MGRN1: variants seen among roughly 807,000 people sequenced by gnomAD.
The protein encoded by MGRN1 is E3 ubiquitin-protein ligase MGRN1.
In MGRN1, 29 loss-of-function variants were observed where a neutral mutation model predicts 69.2. The observed-to-expected ratio is 0.42, with a 90% CI of 0.31 to 0.57. MGRN1 has a LOEUF of 0.57. Ranked by LOEUF, MGRN1 falls within the 20% of genes least tolerant of loss-of-function variation. The pLI, the probability that MGRN1 is intolerant of heterozygous loss-of-function variation, is 0.15. For missense variants in MGRN1, 998 were observed against 796.2 expected (o/e 1.25, Z -3.05); for synonymous variants, 470 against 344.2 (o/e 1.37, Z -4.04).
At chr16:4,629,817 G>T (rs1465618294) in intron 1 of MGRN1, among the ~76,000 whole-genome samples, 7 of 151,824 alleles carry the variant, frequency 4.6e-5, no homozygotes, top group Admixed American at 4.6e-4. Context: ...AGGCTGAGGT[G>T]GGCGGATCAC....
At chr16:4,628,385 C>CAAA (rs35474754) in intron 1 of MGRN1, among the ~76,000 whole-genome samples, 1 of 94,050 alleles carries the variant, frequency 1.1e-5, no homozygotes, top group African/African-American at 3.7e-5. Context: ...ACTCTGTCTC[C>CAAA]AAAAAAAAAA....
In MGRN1 at chr16:4,681,903, A is replaced by G; in HGVS notation, c.1358+127A>G. ...GGCGATTCCCCAGAAGGACTCGGAG[A>G]CCCCGTATCAGGTTAGACTCATGGG... On this transcript the variant is annotated intron_variant, in intron 13 of 16. Coordinates refer to ENST00000262370, the MANE Select transcript of MGRN1 (RefSeq NM_015246.4). The G allele has an allele frequency of 3.1e-6, 3 of 959,338 alleles. No homozygotes were observed. In the African/African-American group the frequency reaches 4.9e-5, roughly 16 times the overall value. The allele number at this position is 959,338 out of a possible 1,614,324, so 59.4% of individuals were successfully genotyped here.
At chr16:4,650,243 C>T in intron 1 of MGRN1, 122 bp from the exon 2 acceptor site, 2 of 686,650 alleles carry the variant, frequency 2.9e-6, no homozygotes, top group Non-Finnish European at 2.4e-6. Flanking sequence ...GCGGAGCTTG[C>T]AGTGAGCTGA....
rs953668466 is a variant in MGRN1, at chr16:4,689,086, C to T, written c.*178C>T. On this transcript the variant is annotated 3_prime_UTR_variant, in exon 17 of 17. Coordinates refer to ENST00000262370, the MANE Select transcript of MGRN1 (RefSeq NM_015246.4). ...AGTGAACTGTCCCTTCTGAGTCTCC[C>T]TTTTCTACAGTTGATATATTTGTAA... The T allele has an allele frequency of 2.5e-6, 2 of 798,040 alleles. No individual in the cohort carries two copies. The highest frequency in any genetic ancestry group is 1.7e-5 in the African/African-American group (1 of 57,630). The allele number at this position is 798,040 out of a possible 1,614,324, so 49.4% of individuals were successfully genotyped here.
chr16:4,641,539 C>T (rs947034931), intron 1 of MGRN1, among the ~76,000 whole-genome samples: 8 of 138,080 alleles, frequency 5.8e-5, no homozygotes, highest in African/African-American at 2.2e-4. Context: ...TTTTTTAAGA[C>T]AGCGTTTTGC....
At chr16:4,683,618 A>G (rs530436117) in intron 15 of MGRN1, among the ~76,000 whole-genome samples, 134 of 151,648 alleles carry the variant, frequency 8.8e-4, no homozygotes, top group African/African-American at 3.0e-3. Context: ...GGGAAAAAAA[A>G]GCCCCATGCT....
intron 1 of MGRN1, among the ~76,000 whole-genome samples, chr16:4,635,978 T>A (rs1318386358): frequency 6.6e-6 from 1 of 150,992 alleles, no homozygotes. Flanking sequence ...GTTTTTTTTT[T>A]TTAAGTAGAG....
chr16:4,684,316 C>G, intron 16 of MGRN1, among the ~76,000 whole-genome samples: 1 of 152,250 alleles, frequency 6.6e-6, no homozygotes, highest in East Asian at 1.9e-4. Flanking sequence ...ACATGTTCCC[C>G]CACTCCTGGT....
chr16:4,673,776 A>G, intron 10 of MGRN1, 119 bp downstream of exon 10: 2 of 1,296,532 alleles, frequency 1.5e-6, no homozygotes, highest in East Asian at 2.5e-5. Flanking sequence ...AAGAGTTGTC[A>G]TTCATCTAGT....
chr16:4,647,430 AG>A (rs2078297333), intron 1 of MGRN1, among the ~76,000 whole-genome samples: 1 of 152,216 alleles, frequency 6.6e-6, no homozygotes, highest in Non-Finnish European at 1.5e-5. Flanking sequence ...TAATCAGGGA[AG>A]GCATCCTGGG....
Position 4,683,912 on chromosome 16 carries a change from C to T in MGRN1, c.1598C>T (p.Pro533Leu), listed in dbSNP as rs765725146. The stretch of plus-strand genomic sequence containing the variant: ...CCCGAGCACTGTGGCCGAGGCCCAC[C>T]TGCTGACATCTACCTGCCAGGTAAG... ...SSPEHCGRGP[P>L]ADIYLPGRPT... The change falls in exon 16 of 17, where the codon CCT becomes CTT. Residue 533 changes from proline (P) to leucine (L), a missense_variant. By Grantham distance (98) the Pro-to-Leu change is moderately conservative. Coordinates refer to ENST00000262370, the MANE Select transcript of MGRN1 (RefSeq NM_015246.4). 2.7e-5 allele frequency: 43 copies of T among 1,604,330 alleles called. 1 individual carries two copies. Among genetic ancestry groups the T allele is most frequent in the Non-Finnish European group, 2.7e-5 (32 of 1,174,950 alleles).
chr16:4,667,385 C>G (rs1052755408), intron 7 of MGRN1, among the ~76,000 whole-genome samples: 1 of 152,206 alleles, frequency 6.6e-6, no homozygotes, highest in Non-Finnish European at 1.5e-5. Flanking sequence ...CACAAGTGCC[C>G]TGGGCAGAGG....
At chr16:4,681,216 C>G (rs760724963) in intron 12 of MGRN1, 9 of 338,180 alleles carry the variant, frequency 2.7e-5, no homozygotes, top group Admixed American at 9.8e-5. Context: ...CAGCTCCTGT[C>G]TGTCACTAAC....
chr16:4,671,172 G>T (rs2078928657), intron 8 of MGRN1: 1 of 584,614 alleles, frequency 1.7e-6, no homozygotes, highest in African/African-American at 1.9e-5. Context: ...CCCAGTAGTG[G>T]GGAGAGCCAC....
At chr16:4,680,238 C>T (rs748783677) in intron 12 of MGRN1, 141 bp downstream of exon 12, 5 of 815,962 alleles carry the variant, frequency 6.1e-6, no homozygotes, top group Non-Finnish European at 9.6e-6. Flanking sequence ...GTCCCGGCCT[C>T]CCTGCCCAGG....
intron 1 of MGRN1, among the ~76,000 whole-genome samples, chr16:4,642,841 C>T (rs1444715418): frequency 6.6e-6 from 1 of 151,296 alleles, no homozygotes; most frequent in Non-Finnish European, 1.5e-5. Context: ...GGCTATAATG[C>T]AGTGGCTTGA....
intron 15 of MGRN1, among the ~76,000 whole-genome samples, chr16:4,683,631 G>A (rs1284485676): frequency 6.6e-6 from 1 of 152,222 alleles, no homozygotes; most frequent in African/African-American, 2.4e-5. Context: ...CCCATGCTGG[G>A]GGATGGGAAG....
intron 11 of MGRN1, among the ~76,000 whole-genome samples, chr16:4,678,931 A>T (rs555881602): frequency 1.5e-3 from 233 of 152,370 alleles, no homozygotes; most frequent in African/African-American, 5.2e-3. Flanking sequence ...ATGTTTCTGA[A>T]ATGGGGTCAA....
At chr16:4,673,468 C>T (rs760282330) in intron 9 of MGRN1, 30 bp from the exon 10 acceptor site, 3 of 1,605,232 alleles carry the variant, frequency 1.9e-6, no homozygotes, top group Admixed American at 1.7e-5. Context: ...CTTTGGGAGG[C>T]TGCTGACCCA....
Sources: allele counts gnomAD v4.1 joint callset (sites outside exome capture counted in the v4.1 genomes callset), GRCh38; gene constraint gnomAD v4.1.1; transcripts MANE v1.5; gene names NCBI Gene and HGNC (gene_info 2026-07-23, HGNC 2026-07-21).